Variants in MAP3K3 observed in about 807,000 individuals in gnomAD.
The protein encoded by MAP3K3 is mitogen-activated protein kinase kinase kinase 3, also known as MAP/ERK kinase kinase 3.
A neutral mutation model predicts 80.9 loss-of-function variants in MAP3K3; 12 were observed. The ratio of observed to expected loss-of-function variants is 0.15; its 90% CI spans 0.10 to 0.24. The LOEUF (loss-of-function observed/expected upper bound fraction) is 0.24, where lower values mean the gene tolerates loss of function less well. Ranked by LOEUF, MAP3K3 falls within the 10% of genes least tolerant of loss-of-function variation. The pLI is 1.00. For synonymous variants in MAP3K3, 272 were observed against 307.1 expected (o/e 0.89, Z 1.19); for missense variants, 596 against 834.7 (o/e 0.71, Z 3.52).
intron 5 of MAP3K3, among the ~76,000 whole-genome samples, chr17:63,660,206 TC>T (rs891767203): frequency 2.6e-5 from 4 of 151,934 alleles, no homozygotes; most frequent in African/African-American, 7.3e-5. Flanking sequence ...TTCCTTTATT[TC>T]CCTTTTTTTT....
At chr17:63,658,818 T>G (rs61224603) in intron 5 of MAP3K3, among the ~76,000 whole-genome samples, 5,101 of 151,284 alleles carry the variant, frequency 0.034, 304 homozygotes, top group African/African-American at 0.12. Context: ...CACTGCAGCC[T>G]CCGCCTCCTG....
intron 6 of MAP3K3, among the ~76,000 whole-genome samples, chr17:63,673,459 T>G (rs2035151632): frequency 6.6e-6 from 1 of 152,128 alleles, no homozygotes; most frequent in African/African-American, 2.4e-5. Flanking sequence ...AATCTCTCTG[T>G]GGGGAGATCA....
At position 63,696,277 on chromosome 17, in the gene MAP3K3, A is replaced by G. The variant is rs544965599; in HGVS notation, c.*2500A>G. On this transcript the variant is annotated 3_prime_UTR_variant, in exon 16 of 16. Coordinates refer to ENST00000361733, the MANE Select transcript of MAP3K3 (RefSeq NM_002401.5). ...GTGCAAAGCCAGGCCAGTGTTGCGC[A>G]TTACTTACAATAAAAGGGATCATTT... 5 of 152,746 alleles carry G rather than the reference A, an allele frequency of 3.3e-5. No homozygotes were observed. The highest frequency in any genetic ancestry group is 1.3e-4 in the Admixed American group (2 of 15,302). The allele number at this position is 152,746 out of a possible 1,614,324, so 9.5% of individuals were successfully genotyped here.
chr17:63,666,473 A>G (rs771067940), intron 5 of MAP3K3, among the ~76,000 whole-genome samples: 2 of 152,154 alleles, frequency 1.3e-5, no homozygotes, highest in East Asian at 1.9e-4. Flanking sequence ...GTATCAATCA[A>G]TCAGTCAATA....
chr17:63,630,936 C>T (rs1011117149), intron 1 of MAP3K3, among the ~76,000 whole-genome samples: 4 of 152,066 alleles, frequency 2.6e-5, no homozygotes, highest in African/African-American at 7.2e-5. Flanking sequence ...TTCTGTACCT[C>T]GTCAGAGGGC....
chr17:63,665,092 C>T (rs58108304), intron 5 of MAP3K3, among the ~76,000 whole-genome samples: 4,925 of 152,116 alleles, frequency 0.032, 156 homozygotes, highest in African/African-American at 0.081. Context: ...CACCTGAGGT[C>T]AGGAGTTCAA....
Position 63,693,954 on chromosome 17 carries a change from G to A in MAP3K3, c.*177G>A, listed in dbSNP as rs1568158788. 5 of 558,662 alleles carry A rather than the reference G, an allele frequency of 8.9e-6. No homozygotes were observed. In the East Asian group the frequency reaches 1.6e-4, roughly 18 times the overall value. The allele number at this position is 558,662 out of a possible 1,614,324, so 34.6% of individuals were successfully genotyped here. ...GGCTCAGAGCCGGGGTGGGGTGGCT[G>A]CAGCCTCAGGACTGGGAGCCCCCAG... is the stretch of plus-strand genomic sequence containing the variant. On this transcript the variant is annotated 3_prime_UTR_variant, in exon 16 of 16. Coordinates refer to ENST00000361733, the MANE Select transcript of MAP3K3 (RefSeq NM_002401.5). This position sits in a 1 kb window ranked among gnomAD's most constrained non-coding sequence, Gnocchi z 4.2.
At chr17:63,661,347 A>C (rs1029709593) in intron 5 of MAP3K3, among the ~76,000 whole-genome samples, 1 of 152,108 alleles carries the variant, frequency 6.6e-6, no homozygotes, top group African/African-American at 2.4e-5. Flanking sequence ...GGATCTGGCC[A>C]GTCTCTTTGT....
At chr17:63,637,104 C>T (rs1318905676) in intron 2 of MAP3K3, 2 of 375,784 alleles carry the variant, frequency 5.3e-6, no homozygotes, top group Non-Finnish European at 1.0e-5. Flanking sequence ...CAGCTTTCAA[C>T]AAGGTCTGAA....
intron 5 of MAP3K3, among the ~76,000 whole-genome samples, chr17:63,666,095 C>T (rs965121877): frequency 6.6e-6 from 1 of 152,066 alleles, no homozygotes; most frequent in African/African-American, 2.4e-5. Context: ...GTGCAAAGGC[C>T]CCCCTTTGTT....
chr17:63,639,578 G>A (rs777563450), intron 2 of MAP3K3, among the ~76,000 whole-genome samples: 16 of 152,132 alleles, frequency 1.1e-4, no homozygotes, highest in Non-Finnish European at 1.9e-4. Flanking sequence ...GTAGAGGAAC[G>A]CAGAGTGGGT....
chr17:63,658,437 G>A (rs144717079), intron 5 of MAP3K3, among the ~76,000 whole-genome samples: 1,627 of 152,302 alleles, frequency 0.011, 24 homozygotes, highest in African/African-American at 0.029. Flanking sequence ...CAGGCAGTCT[G>A]TAGGGTGTCA....
Position 63,689,682 on chromosome 17 carries a change from G to A in MAP3K3, c.1010G>A (p.Ser337Asn), listed in dbSNP as rs755715664. Residue 337 changes from serine (S) to asparagine (N), a missense_variant, in exon 11 of 16, where the codon AGT becomes AAT. Around this residue, in one of 2 missense-constraint regions of MAP3K3, gnomAD observed 364 missense variants for 588.9 expected, o/e 0.62. Transcript: ENST00000361733. The surrounding 1 kb of genome is among the most constrained non-coding windows in gnomAD (Gnocchi z 4.3). The stretch of plus-strand genomic sequence containing the variant: ...CTGGACCCCCGTGGGCGCCTGCGGA[G>A]TGCGGACAGCGAGAATGCCCTCTCT... ...QYLDPRGRLR[S>N]ADSENALSVQ... 16 of 1,613,946 alleles carry A rather than the reference G, an allele frequency of 9.9e-6. No individual in the cohort carries two copies. Among genetic ancestry groups the A allele is most frequent in the Non-Finnish European group, 1.4e-5 (16 of 1,179,960 alleles).
chr17:63,627,535 C>T (rs574270238), intron 1 of MAP3K3, among the ~76,000 whole-genome samples: 6 of 152,030 alleles, frequency 3.9e-5, no homozygotes, highest in Middle Eastern at 3.4e-3. Context: ...CTCTGCCTCC[C>T]GGGTTCAAGC....
intron 2 of MAP3K3, among the ~76,000 whole-genome samples, chr17:63,635,742 A>T (rs759018530): frequency 5.9e-5 from 9 of 152,188 alleles, no homozygotes; most frequent in Non-Finnish European, 8.8e-5. Context: ...AGTTTTTGTT[A>T]GCCTAGGCCT....
At chr17:63,656,676 A>C (rs1471085631) in intron 4 of MAP3K3, among the ~76,000 whole-genome samples, 1 of 152,220 alleles carries the variant, frequency 6.6e-6, no homozygotes, top group Non-Finnish European at 1.5e-5. Context: ...TTTGCATCTT[A>C]TGAATCTCTT....
At chr17:63,679,171 C>A (rs2035279501) in intron 6 of MAP3K3, among the ~76,000 whole-genome samples, 1 of 152,210 alleles carries the variant, frequency 6.6e-6, no homozygotes, top group Admixed American at 6.5e-5. Context: ...GAGGCCAAGG[C>A]TTGAGACCAG....
intron 3 of MAP3K3, among the ~76,000 whole-genome samples, chr17:63,648,901 G>A (rs975543672): frequency 3.9e-5 from 6 of 152,182 alleles, no homozygotes; most frequent in Admixed American, 6.5e-5. Context: ...TTCCAAAAAT[G>A]AAAGGTGGTG....
chr17:63,681,774 A>G lies in MAP3K3; in HGVS notation c.511A>G (p.Asn171Asp). The G allele has an allele frequency of 1.3e-6, 2 of 1,503,860 alleles. No homozygotes were observed. Among genetic ancestry groups the G allele is most frequent in the Non-Finnish European group, 1.8e-6 (2 of 1,120,580 alleles). The allele number at this position is 1,503,860 out of a possible 1,614,324, so 93.2% of individuals were successfully genotyped here. A position where few individuals can be genotyped will look rare whatever the true frequency, so the allele number is the denominator to read the frequency against. The change falls in exon 7 of 16, where the codon AAC (asparagine) becomes GAC (aspartate). Residue 171 changes from asparagine to aspartate, a missense_variant. Asn to Asp is a conservative substitution (Grantham distance 23). Around this residue, in one of 2 missense-constraint regions of MAP3K3, gnomAD observed 232 missense variants for 245.8 expected, o/e 0.94. Coordinates refer to ENST00000361733, the MANE Select transcript of MAP3K3 (RefSeq NM_002401.5). Reference sequence around the variant, plus strand: ...TCCTTTATGTGCTCTAGGCTCCCAGAACCCTGGCCGAAGCTCACCTCCCCC... The same window carrying G: ...TCCTTTATGTGCTCTAGGCTCCCAGGACCCTGGCCGAAGCTCACCTCCCCC... ...RSRHLSVSSQNPGRSSPPPGY... is the reference protein window; with the variant it reads ...RSRHLSVSSQDPGRSSPPPGY...
Sources: gnomAD v4.1 joint callset for allele counts (sites outside exome capture counted in the v4.1 genomes callset) on GRCh38, gnomAD v4.1.1 for gene constraint, gnomAD v4.1.1 regional missense constraint, Gnocchi (gnomAD v3.1) non-coding constraint, MANE v1.5 for transcripts, NCBI Gene and HGNC (gene_info 2026-07-23, HGNC 2026-07-21) for gene names.